MAPKAPK3: variants seen among roughly 807,000 people sequenced by gnomAD.
MAPKAPK3 encodes MAPK activated protein kinase 3, also known as MAP kinase-activated protein kinase 3.
In MAPKAPK3, 35 loss-of-function variants were observed where a neutral mutation model predicts 49.2. That is an observed-to-expected ratio of 0.71 (90% CI 0.54 to 0.94). The LOEUF (loss-of-function observed/expected upper bound fraction) is 0.94. Ranked by LOEUF, MAPKAPK3 falls within the 40% of genes least tolerant of loss-of-function variation. MAPKAPK3 has a pLI of 0.00. For missense variants in MAPKAPK3, 398 were observed against 493.1 expected, an observed-to-expected ratio of 0.81 and a Z score of 1.83; for synonymous variants, 178 against 188.7, an observed-to-expected ratio of 0.94 and a Z score of 0.46.
At position 50,647,107 on chromosome 3, in the gene MAPKAPK3, G is replaced by A. The variant is rs553088113; in HGVS notation, c.916-16G>A. 150 of 1,562,624 alleles carry A rather than the reference G, an allele frequency of 9.6e-5. No homozygotes were observed. Among genetic ancestry groups the A allele is most frequent in the African/African-American group, 8.5e-4 (63 of 73,820 alleles). On this transcript the variant is annotated splice_polypyrimidine_tract_variant and intron_variant, in intron 9 of 10. Transcript: ENST00000621469. ...TGCCTCCAGTTTCTAATCCACGGGCGTGGGGCTCCTTCCAGCAATCGATGG... is the reference window on the plus strand; with the variant it reads ...TGCCTCCAGTTTCTAATCCACGGGCATGGGGCTCCTTCCAGCAATCGATGG...
At chr3:50,615,396 T>C (rs982863522), upstream of MAPKAPK3, among the ~76,000 whole-genome samples, 1 of 152,232 alleles carries the variant, frequency 6.6e-6, no homozygotes, top group Non-Finnish European at 1.5e-5. Context: ...TGCATGTGTG[T>C]GCACATGTGT....
At chr3:50,644,354 C>G in intron 5 of MAPKAPK3, 55 bp from the exon 6 acceptor site, 1 of 1,604,632 alleles carries the variant, frequency 6.2e-7, no homozygotes, top group Non-Finnish European at 8.5e-7. Context: ...CACCTTGGGG[C>G]TCTGCTCCTG....
At chr3:50,639,714 G>T (rs1170751776) in intron 2 of MAPKAPK3, among the ~76,000 whole-genome samples, 1 of 152,090 alleles carries the variant, frequency 6.6e-6, no homozygotes, top group East Asian at 1.9e-4. Context: ...AACCTCTCCT[G>T]CAGGAAGTCT....
intron 2 of MAPKAPK3, among the ~76,000 whole-genome samples, chr3:50,639,784 TAG>T (rs1296204598): frequency 6.6e-6 from 1 of 152,114 alleles, no homozygotes; most frequent in African/African-American, 2.4e-5. Flanking sequence ...ATTTGCGTGT[TAG>T]TGCACCCTCT....
chr3:50,623,949 A>G (rs1474670050), intron 2 of MAPKAPK3, among the ~76,000 whole-genome samples: 1 of 152,172 alleles, frequency 6.6e-6, no homozygotes. Context: ...CACTGTATGG[A>G]ACTCTGTGCC....
At chr3:50,635,926 AAAAAAAAAAAAAAAAAAAAACC>A (rs2033026943) in intron 2 of MAPKAPK3, among the ~76,000 whole-genome samples, 1 of 74,784 alleles carries the variant, frequency 1.3e-5, no homozygotes, top group African/African-American at 2.9e-5. Context: ...CTACCAAAAA[AAAAAAAAAAAAAAAAAAAAACC>A]AAAAAAAAAA....
intron 10 of MAPKAPK3, among the ~76,000 whole-genome samples, chr3:50,647,541 A>G (rs1246289244): frequency 6.6e-6 from 1 of 152,266 alleles, no homozygotes; most frequent in Non-Finnish European, 1.5e-5. Flanking sequence ...TAGCAGCTCC[A>G]GTGGCACAAT....
At position 50,642,235 on chromosome 3, in the gene MAPKAPK3, C is replaced by T. The variant is rs764869178; in HGVS notation, c.425-18C>T. The T allele has an allele frequency of 8.9e-6, 14 of 1,580,266 alleles. No individual in the cohort carries two copies. The South Asian group carries it at 1.2e-4, about 14-fold the overall frequency. Reference sequence around the variant, plus strand: ...CTTTGACTGGCATCACTGACCCCCTCCTCCTCTGTTTCTGCAGAAGCTGCA... The same window carrying T: ...CTTTGACTGGCATCACTGACCCCCTTCTCCTCTGTTTCTGCAGAAGCTGCA... On this transcript the variant is annotated intron_variant, in intron 4 of 10. Transcript: ENST00000621469.
At chr3:50,611,614 C>T, upstream of MAPKAPK3, 2 of 1,520,776 alleles carry the variant, frequency 1.3e-6, no homozygotes, top group Non-Finnish European at 1.8e-6. Flanking sequence ...GGGAAGGGGG[C>T]AGAGAGCCGC....
chr3:50,640,617 A>G, intron 3 of MAPKAPK3, 112 bp downstream of exon 3: 1 of 1,353,500 alleles, frequency 7.4e-7, no homozygotes, highest in Admixed American at 2.3e-5. Context: ...TCTGGGTGCC[A>G]CTGTAGCCCC....
rs763044265 is a variant in MAPKAPK3, at chr3:50,646,783, G to A, written c.873G>A (p.Glu291=). Residue 291 remains glutamate, a synonymous_variant, in exon 9 of 11, where the codon GAG becomes GAA. Coordinates refer to ENST00000621469, the MANE Select transcript of MAPKAPK3 (RefSeq NM_001243925.2). ...IRLLLKTDPT[E]RLTITQFMNH... is the part of the protein sequence containing the mutation. ...TCCTGTTGAAGACAGACCCCACAGA[G>A]AGGCTGACCATCACTCAGTTCATGA... 1 of 1,613,936 alleles carries A rather than the reference G, an allele frequency of 6.2e-7. No individual in the cohort carries two copies. Among genetic ancestry groups the A allele is most frequent in the African/African-American group, 1.3e-5 (1 of 74,918 alleles).
upstream of MAPKAPK3, chr3:50,611,905 C>G: frequency 4.1e-6 from 2 of 483,830 alleles, no homozygotes; most frequent in South Asian, 9.8e-5. Context: ...TTCCTAGAAC[C>G]GCGGGCTGAG....
intron 8 of MAPKAPK3, among the ~76,000 whole-genome samples, 179 bp downstream of exon 8, chr3:50,646,443 C>A (rs977475927): frequency 5.9e-5 from 9 of 152,186 alleles, no homozygotes; most frequent in Admixed American, 4.6e-4. Context: ...ATCTGCCAAA[C>A]AGGCTCAAAA....
At chr3:50,627,261 G>A (rs150203081) in intron 2 of MAPKAPK3, among the ~76,000 whole-genome samples, 2 of 151,552 alleles carry the variant, frequency 1.3e-5, no homozygotes, top group Non-Finnish European at 2.9e-5. Flanking sequence ...GTGAAGACAT[G>A]TTAGGTGGGC....
Position 50,640,494 on chromosome 3 carries a change from C to A in MAPKAPK3, c.348C>A (p.Ile116=). The A allele has an allele frequency of 6.2e-7, 1 of 1,611,724 alleles. No homozygotes were observed. The highest frequency in any genetic ancestry group is 8.5e-7 in the Non-Finnish European group (1 of 1,178,176). The change falls in exon 3 of 11, where the codon ATC becomes ATA. Residue 116 remains isoleucine, a synonymous_variant. Coordinates refer to ENST00000621469, the MANE Select transcript of MAPKAPK3 (RefSeq NM_001243925.2). The part of the protein sequence containing the change: ...NMHHGKRCLL[I]IMECMEGGEL... Reference sequence around the variant, plus strand: ...ACCATGGCAAGCGCTGTCTCCTCATCATCATGGAATGGTATGCTGGCCTGC... The same window carrying A: ...ACCATGGCAAGCGCTGTCTCCTCATAATCATGGAATGGTATGCTGGCCTGC...
At chr3:50,626,133 T>C (rs2032734306) in intron 2 of MAPKAPK3, among the ~76,000 whole-genome samples, 1 of 149,596 alleles carries the variant, frequency 6.7e-6, no homozygotes, top group South Asian at 2.2e-4. Context: ...TGCTGTTGGG[T>C]CTCCTTTTAC....
intron 2 of MAPKAPK3, among the ~76,000 whole-genome samples, chr3:50,624,160 C>T (rs1276936649): frequency 1.3e-5 from 2 of 152,228 alleles, no homozygotes; most frequent in African/African-American, 4.8e-5. Flanking sequence ...GCTGGGCCAG[C>T]TAGGAGAGGC....
chr3:50,618,932 G>C lies in MAPKAPK3; in HGVS notation c.219+1148G>C, dbSNP rs144906083. On this transcript the variant is annotated intron_variant, in intron 2 of 10. Coordinates refer to ENST00000621469, the MANE Select transcript of MAPKAPK3 (RefSeq NM_001243925.2). ...TCTCGATCTCTTGACCTCGTGATCT[G>C]CCTGCCTTGGCCTCCCAAAGTGCTG... 6.7e-3 allele frequency among the ~76,000 whole-genome samples: 1,027 copies of C among 152,270 alleles called. 5 individuals are homozygous for C. Among genetic ancestry groups the C allele is most frequent in the Middle Eastern group, 0.024 (7 of 294 alleles).
chr3:50,626,702 C>T lies in MAPKAPK3; in HGVS notation c.219+8918C>T, dbSNP rs913126251. Among the ~76,000 whole-genome samples the T allele has an allele frequency of 2.0e-5, 3 of 152,200 alleles. No individual in the cohort carries two copies. The East Asian group carries it at 5.8e-4, about 29-fold the overall frequency. On this transcript the variant is annotated intron_variant, in intron 2 of 10. Transcript: ENST00000621469. ...CTGAGTGCCTCCTACATGTCAGGCACAAACACTGCAGAATCAGAATGGATT... is the reference window on the plus strand; with the variant it reads ...CTGAGTGCCTCCTACATGTCAGGCATAAACACTGCAGAATCAGAATGGATT...
Sources: allele counts gnomAD v4.1 joint callset (sites outside exome capture counted in the v4.1 genomes callset), GRCh38; gene constraint gnomAD v4.1.1; transcripts MANE v1.5; gene names NCBI Gene and HGNC (gene_info 2026-07-23, HGNC 2026-07-21).